Variants in BMP6 observed in about 807,000 individuals in gnomAD.
The protein encoded by BMP6 is VG-1-R.
A neutral mutation model predicts 54.1 loss-of-function variants in BMP6; 17 were observed. That is an observed-to-expected ratio of 0.31 (90% CI 0.22 to 0.47). The LOEUF is 0.47. BMP6 is among the 20% of genes least tolerant of loss of function. The pLI is 1.00. For synonymous variants in BMP6, 328 were observed against 291.2 expected (o/e 1.13, Z -1.28); for missense variants, 720 against 690.4 (o/e 1.04, Z -0.48).
At chr6:7,869,388 G>A (rs1457146240) in intron 4 of BMP6, among the ~76,000 whole-genome samples, 1 of 152,260 alleles carries the variant, frequency 6.6e-6, no homozygotes, top group Non-Finnish European at 1.5e-5. Flanking sequence ...AGATAAAAAG[G>A]ATGCTGGATG....
At chr6:7,735,127 C>T (rs1761933154) in intron 1 of BMP6, among the ~76,000 whole-genome samples, 2 of 152,252 alleles carry the variant, frequency 1.3e-5, no homozygotes. Flanking sequence ...GGAGGCAGAG[C>T]CCCGGAGCCC....
rs114835316 is a variant in BMP6, at chr6:7,780,567, G to C, written c.664+52948G>C. Among the ~76,000 whole-genome samples, 335 of 151,904 alleles carry C rather than the reference G, an allele frequency of 2.2e-3. 2 individuals are homozygous for C. Among genetic ancestry groups the C allele is most frequent in the African/African-American group, 7.8e-3 (322 of 41,458 alleles). On this transcript the variant is annotated intron_variant, in intron 1 of 6. Transcript: ENST00000283147. ...TCCATCGCAAAAAAAAAAAGCAAGG[G>C]AGACTCTTCAAACTTAAATTTCTTT... is the stretch of plus-strand genomic sequence containing the variant.
At chr6:7,755,109 TTGTTTA>T (rs1757494068) in intron 1 of BMP6, among the ~76,000 whole-genome samples, 1 of 152,252 alleles carries the variant, frequency 6.6e-6, no homozygotes, top group Non-Finnish European at 1.5e-5. Context: ...GAGTTAGGTC[TTGTTTA>T]TTTCTTGAAG....
chr6:7,867,185 G>GT (rs1459827934), intron 4 of BMP6, among the ~76,000 whole-genome samples: 1 of 152,140 alleles, frequency 6.6e-6, no homozygotes, highest in Non-Finnish European at 1.5e-5. Flanking sequence ...ATTTTGTAGA[G>GT]TAAGTTCTCC....
chr6:7,752,559 G>GTT (rs5874110), intron 1 of BMP6, among the ~76,000 whole-genome samples: 1,225 of 122,324 alleles, frequency 0.01, 25 homozygotes, highest in African/African-American at 0.031. Flanking sequence ...TTCAACATAG[G>GTT]TTTTTTTTTT....
At chr6:7,856,658 G>A (rs970061897) in intron 2 of BMP6, among the ~76,000 whole-genome samples, 5 of 132,426 alleles carry the variant, frequency 3.8e-5, no homozygotes, top group African/African-American at 1.2e-4. Flanking sequence ...GTGCAGTGGC[G>A]GGATCTCGGC....
intron 1 of BMP6, among the ~76,000 whole-genome samples, chr6:7,751,655 T>C (rs1757427742): frequency 6.6e-6 from 1 of 152,208 alleles, no homozygotes; most frequent in South Asian, 2.1e-4. Flanking sequence ...CCGTAGCATG[T>C]TAAGACCTAT....
At chr6:7,791,071 C>T (rs1209958690) in intron 1 of BMP6, among the ~76,000 whole-genome samples, 1 of 152,196 alleles carries the variant, frequency 6.6e-6, no homozygotes. Flanking sequence ...ATGGTCTACA[C>T]TCATACTTCC....
intron 1 of BMP6, among the ~76,000 whole-genome samples, chr6:7,834,285 A>C (rs1758838915): frequency 6.6e-6 from 1 of 151,598 alleles, no homozygotes; most frequent in Non-Finnish European, 1.5e-5. Context: ...ATCTTCAAAC[A>C]CACAAGGAAA....
intron 1 of BMP6, among the ~76,000 whole-genome samples, chr6:7,773,087 A>G (rs1757814126): frequency 6.6e-6 from 1 of 152,242 alleles, no homozygotes; most frequent in African/African-American, 2.4e-5. Context: ...GGAAAATGGC[A>G]GAAGAAAAAT....
chr6:7,880,791 A>C lies in BMP6; in HGVS notation c.*448A>C, dbSNP rs1053796702. 1.6e-5 allele frequency: 3 copies of C among 189,690 alleles called. No homozygotes were observed. Among genetic ancestry groups the C allele is most frequent in the African/African-American group, 7.0e-5 (3 of 42,856 alleles). The allele number at this position is 189,690 out of a possible 1,614,324, so 11.8% of individuals were successfully genotyped here. A position where few individuals can be genotyped will look rare whatever the true frequency, so the allele number is the denominator to read the frequency against. On this transcript the variant is annotated 3_prime_UTR_variant, in exon 7 of 7. Coordinates refer to ENST00000283147, the MANE Select transcript of BMP6 (RefSeq NM_001718.6). ...AAGGTAGATTTTACAGAGAACAGAA[A>C]TCGGGGAAGTGGGGGGAACGCCTCT...
intron 1 of BMP6, among the ~76,000 whole-genome samples, chr6:7,825,849 T>A (rs1405186774): frequency 1.3e-4 from 20 of 152,176 alleles, no homozygotes; most frequent in Admixed American, 1.3e-3. Flanking sequence ...TCCACTGTGA[T>A]CAAAAGGCAG....
chr6:7,727,218 G>C lies in BMP6; in HGVS notation c.263G>C (p.Gly88Ala), dbSNP rs1761744839. ...EMQKEILSVLGLPHRPRPLHG... is the reference protein window; with the variant it reads ...EMQKEILSVLALPHRPRPLHG... ...CAGAAGGAGATCTTGTCGGTGCTGG[G>C]GCTCCCGCACCGGCCCCGGCCCCTG... Residue 88 changes from glycine to alanine, a missense_variant, in exon 1 of 7, where the codon GGG (glycine) becomes GCG (alanine). Gly to Ala is a moderately conservative substitution (Grantham distance 60, BLOSUM62 0). Around this residue, in one of 3 missense-constraint regions of BMP6, gnomAD observed 650 missense variants for 556.3 expected, o/e 1.17. Coordinates refer to ENST00000283147, the MANE Select transcript of BMP6 (RefSeq NM_001718.6). 23 of 1,605,542 alleles carry C rather than the reference G, an allele frequency of 1.4e-5. No homozygotes were observed. The highest frequency in any genetic ancestry group is 1.9e-5 in the Non-Finnish European group (22 of 1,176,854).
intron 1 of BMP6, among the ~76,000 whole-genome samples, chr6:7,794,161 G>T (rs528439642): frequency 6.6e-6 from 1 of 152,290 alleles, no homozygotes; most frequent in South Asian, 2.1e-4. Context: ...GGAGTGGAGG[G>T]AGGTACACCT....
intron 1 of BMP6, among the ~76,000 whole-genome samples, chr6:7,831,999 G>A (rs1407572939): frequency 6.6e-6 from 1 of 152,208 alleles, no homozygotes; most frequent in Non-Finnish European, 1.5e-5. Flanking sequence ...ACATGACATG[G>A]ACCCTGCCTT....
At chr6:7,819,151 C>T (rs1034244263) in intron 1 of BMP6, among the ~76,000 whole-genome samples, 4 of 152,110 alleles carry the variant, frequency 2.6e-5, no homozygotes, top group East Asian at 1.9e-4. Context: ...TGACTGTTCA[C>T]GCGTGCACAT....
chr6:7,763,218 C>A (rs976443872), intron 1 of BMP6, among the ~76,000 whole-genome samples: 1 of 152,178 alleles, frequency 6.6e-6, no homozygotes. Context: ...CTGCAGCCAA[C>A]CCCAGGGGAG....
intron 1 of BMP6, among the ~76,000 whole-genome samples, chr6:7,744,899 A>G (rs1470220240): frequency 6.6e-6 from 1 of 152,214 alleles, no homozygotes; most frequent in African/African-American, 2.4e-5. Context: ...CCTTTAAGCC[A>G]GAAGTCATGA....
intron 1 of BMP6, among the ~76,000 whole-genome samples, chr6:7,831,916 T>C (rs1245028938): frequency 6.6e-6 from 1 of 152,218 alleles, no homozygotes; most frequent in Non-Finnish European, 1.5e-5. Context: ...GACCCAGCCC[T>C]GGCTCACACG....
Sources: gnomAD v4.1 joint callset for allele counts (sites outside exome capture counted in the v4.1 genomes callset) on GRCh38, gnomAD v4.1.1 for gene constraint, gnomAD v4.1.1 regional missense constraint, MANE v1.5 for transcripts, NCBI Gene and HGNC (gene_info 2026-07-23, HGNC 2026-07-21) for gene names.